The following TTN variants were observed in gnomAD, a reference collection of about 807,000 sequenced individuals.
TTN encodes the protein connectin.
TTN carries 1,525 observed loss-of-function variants against 3,223.0 expected under a neutral mutation model. The ratio of observed to expected loss-of-function variants is 0.47; its 90% CI spans 0.45 to 0.49. The LOEUF (loss-of-function observed/expected upper bound fraction) is 0.49. TTN is among the 20% of genes least tolerant of loss of function. The pLI, the probability that TTN is intolerant of heterozygous loss-of-function variation, is 0.00. For synonymous variants in TTN, 14,094 were observed against 15,161.0 expected, an observed-to-expected ratio of 0.93 and a Z score of 5.17; for missense variants, 40,786 against 43,424.0, an observed-to-expected ratio of 0.94 and a Z score of 5.40.
chr2:178,745,892 C>T, intron 47 of TTN: 1 of 1,611,990 alleles, frequency 6.2e-7, no homozygotes. Flanking sequence ...TTCAAAAAAA[C>T]TGTCTGTGTA....
chr2:178,599,993 T>A, intron 288 of TTN, 143 bp from the exon 289 acceptor site: 1 of 757,514 alleles, frequency 1.3e-6, no homozygotes, highest in Non-Finnish European at 2.0e-6. Flanking sequence ...GTTCTGTCTT[T>A]AACACTATTA....
chr2:178,591,317 A>G lies in TTN; in HGVS notation c.60408T>C (p.Leu20136=). The change falls in exon 304 of 363, where the codon CTT becomes CTC. Residue 20136 remains leucine (L), a synonymous_variant. Coordinates refer to ENST00000589042, the MANE Select transcript of TTN (RefSeq NM_001267550.2). ...TVETDNFSSV[L]TIKNCLRRDT... ...CTCTCCTTAAGCAGTTCTTAATGGT[A>G]AGTACTGATGAGAAGTTGTCTGTTT... is the stretch of plus-strand genomic sequence containing the variant. 1.2e-6 allele frequency: 2 copies of G among 1,613,286 alleles called. No individual in the cohort carries two copies. The highest frequency in any genetic ancestry group is 1.7e-6 in the Non-Finnish European group (2 of 1,179,470).
At position 178,675,119 on chromosome 2, in the gene TTN, G is replaced by A. The variant is rs774344653; in HGVS notation, c.34538-6C>T. The A allele has an allele frequency of 6.5e-7, 1 of 1,548,934 alleles. No homozygotes were observed. Among genetic ancestry groups the A allele is most frequent in the Non-Finnish European group, 8.7e-7 (1 of 1,152,766 alleles). The stretch of plus-strand genomic sequence containing the variant: ...CTTCTTAGGCACCTCAGGAACTTGA[G>A]AGACATTGATTATTTTAGACACTTA... On this transcript the variant is annotated splice_region_variant and splice_polypyrimidine_tract_variant and intron_variant, in intron 149 of 362. Coordinates refer to ENST00000589042, the MANE Select transcript of TTN (RefSeq NM_001267550.2).
In TTN at chr2:178,588,972, ACAGTAG is replaced by A; in HGVS notation, c.62747_62752del (p.Ala20916_Thr20917del). On this transcript the variant is annotated inframe_deletion, in exon 304 of 363. Transcript: ENST00000589042. ...TGTTACTGTAGTACCAGGTGTCAAG[ACAGTAG>A]CAGAATAGGTAGACCAAACCATTCG... The A allele has an allele frequency of 1.2e-6, 2 of 1,612,444 alleles. No individual in the cohort carries two copies. The highest frequency in any genetic ancestry group is 1.7e-6 in the Non-Finnish European group (2 of 1,179,378).
In TTN at chr2:178,695,387, C is replaced by G. The variant is rs757985781; in HGVS notation, c.31231G>C (p.Ala10411Pro). 7.4e-6 allele frequency: 12 copies of G among 1,612,070 alleles called. No homozygotes were observed. The South Asian group carries it at 1.3e-4, about 18-fold the overall frequency. ...YEESHERKVP[A>P]KVPEKKAPPP... ...GGTGCTTTCTTTTCAGGTACTTTGGCTGGAACTTTTCTCTCATGTGATTCT... is the reference window on the plus strand; with the variant it reads ...GGTGCTTTCTTTTCAGGTACTTTGGGTGGAACTTTTCTCTCATGTGATTCT... Residue 10411 changes from alanine (A) to proline (P), a missense_variant, in exon 115 of 363, where the codon GCC (alanine) becomes CCC (proline). Physicochemically the swap from Ala to Pro is conservative, Grantham distance 27. Transcript: ENST00000589042.
chr2:178,653,113 G>A lies in TTN; in HGVS notation c.38803C>T (p.Pro12935Ser). The A allele has an allele frequency of 6.2e-7, 1 of 1,612,704 alleles. No homozygotes were observed. The highest frequency in any genetic ancestry group is 8.5e-7 in the Non-Finnish European group (1 of 1,179,380). ...EVPPVKVPEA[P>S]KEVVPEKKVP... ...TTCTTTTCAGGAACAACTTCTTTGG[G>A]AGCCTCTGGCACTTAAAAGATATTA... The change falls in exon 199 of 363, where the codon CCC (proline) becomes TCC (serine). Residue 12935 changes from proline to serine, a missense_variant. Coordinates refer to ENST00000589042, the MANE Select transcript of TTN (RefSeq NM_001267550.2).
chr2:178,719,051 A>T, intron 83 of TTN, 78 bp from the exon 84 acceptor site: 1 of 1,520,964 alleles, frequency 6.6e-7, no homozygotes, highest in Non-Finnish European at 8.8e-7. Flanking sequence ...CCTTAAAAAA[A>T]GGGAGCTAAG....
chr2:178,556,493 T>C, intron 330 of TTN: 1 of 269,842 alleles, frequency 3.7e-6, no homozygotes, highest in Non-Finnish European at 6.9e-6. Context: ...CTCTGTTTAG[T>C]CTGTGGCTTA....
rs771290213 is a variant in TTN, at chr2:178,717,688, C to T, written c.25186G>A (p.Asp8396Asn). The stretch of plus-strand genomic sequence containing the variant: ...GCATCATCTTTCAAAAGAACCCCAT[C>T]CTTGTACCAAGACACTTGAAGAGGT... ...SEPLQVSWYKDGVLLKDDANL... is the reference protein window; with the variant it reads ...SEPLQVSWYKNGVLLKDDANL... The change falls in exon 87 of 363, where the codon GAT becomes AAT. Residue 8396 changes from aspartate to asparagine, a missense_variant. Asp to Asn is a conservative substitution (Grantham distance 23, BLOSUM62 1). Transcript: ENST00000589042. 2 of 1,613,330 alleles carry T rather than the reference C, an allele frequency of 1.2e-6. No homozygotes were observed. Among genetic ancestry groups the T allele is most frequent in the Non-Finnish European group, 8.5e-7 (1 of 1,179,610 alleles).
chr2:178,577,009 T>G lies in TTN; in HGVS notation c.69326A>C (p.Glu23109Ala), dbSNP rs1212757037. The G allele has an allele frequency of 1.2e-6, 2 of 1,613,504 alleles. No individual in the cohort carries two copies. Among genetic ancestry groups the G allele is most frequent in the Non-Finnish European group, 1.7e-6 (2 of 1,179,572 alleles). ...HVATKLIQGN[E>A]YIFRVSAVNH... Reference sequence around the variant, plus strand: ...TACAGCTGAGACCCGGAAGATGTACTCATTTCCTTGGATAAGTTTGGTTGC... The same window carrying G: ...TACAGCTGAGACCCGGAAGATGTACGCATTTCCTTGGATAAGTTTGGTTGC... Residue 23109 changes from glutamate to alanine, a missense_variant, in exon 324 of 363, where the codon GAG becomes GCG. Physicochemically the swap from Glu to Ala is moderately radical, Grantham distance 107 (BLOSUM62 -1). Transcript: ENST00000589042.
Position 178,612,436 on chromosome 2 carries a change from CT to C in TTN, c.50088del (p.Gly16697AlafsTer19), listed in dbSNP as rs746457931. 1 of 1,612,544 alleles carries C rather than the reference CT, an allele frequency of 6.2e-7. No individual in the cohort carries two copies. Among genetic ancestry groups the C allele is most frequent in the South Asian group, 1.1e-5 (1 of 91,038 alleles). On this transcript the variant is annotated frameshift_variant, in exon 266 of 363. Transcript: ENST00000589042. LOFTEE classifies it high-confidence loss of function. ...YIVEKRDVRR[K>X]GWQTVDTTVK... ...ACAGTGGTATCCACTGTTTGCCAGC[CT>C]TTTCGCCTGACGTCTCTCTTTTCCA... is the stretch of plus-strand genomic sequence containing the variant.
In TTN at chr2:178,634,398, C is replaced by G. The variant is rs370793851; in HGVS notation, c.42383G>C (p.Gly14128Ala). 8.8e-5 allele frequency: 142 copies of G among 1,610,478 alleles called. No individual in the cohort carries two copies. Among genetic ancestry groups the G allele is most frequent in the Non-Finnish European group, 1.0e-4 (122 of 1,178,942 alleles). The part of the protein sequence containing the change: ...DEGVYTAEVE[G>A]KKTSARLFVT... ...AAACAACCGAGCTGAGGTCTTCTTG[C>G]CCTCCACCTCAGCAGTATAGACCCC... The change falls in exon 230 of 363, where the codon GGC becomes GCC. Residue 14128 changes from glycine (G) to alanine (A), a missense_variant. Transcript: ENST00000589042. This position sits in a 1 kb window ranked among gnomAD's most constrained non-coding sequence, Gnocchi z 4.6.
rs879077927 is a variant in TTN, at chr2:178,684,937, A to T, written c.32523T>A (p.Val10841=). The change falls in exon 130 of 363, where the codon GTT becomes GTA. Residue 10841 remains valine (V), a synonymous_variant. Transcript: ENST00000589042. ...IVPEKKVPAP[V]PKKEKVPPPK... is the part of the protein sequence containing the mutation. ...GTGGGGGCACCTTTTCCTTTTTAGG[A>T]ACTGGAGCAGGAACTTTCTTTTCTG... The T allele has an allele frequency of 1.2e-6, 2 of 1,609,342 alleles. No homozygotes were observed. The highest frequency in any genetic ancestry group is 2.7e-5 in the African/African-American group (2 of 74,856).
rs140649938 is a variant in TTN, at chr2:178,767,305, C to T, written c.9471+454G>A. 2.4e-3 allele frequency among the ~76,000 whole-genome samples: 369 copies of T among 152,318 alleles called. 2 individuals are homozygous for T. Among genetic ancestry groups the T allele is most frequent in the African/African-American group, 8.2e-3 (342 of 41,566 alleles). On this transcript the variant is annotated intron_variant, in intron 40 of 362. Coordinates refer to ENST00000589042, the MANE Select transcript of TTN (RefSeq NM_001267550.2). ...CAGCATCCTTGCCAGGAACCCAGCA[C>T]GGCTTGGACAGGGCTTTCTCTTAGA...
rs753041606 is a variant in TTN, at chr2:178,775,755, C to G, written c.6109G>C (p.Glu2037Gln). The change falls in exon 28 of 363, where the codon GAA becomes CAA. Residue 2037 changes from glutamate to glutamine, a missense_variant. Transcript: ENST00000589042. ...YEELLRKTKD[E>Q]LLHWTKELTE... ...AACTCTTTGGTCCAGTGGAGAAGTT[C>G]ATCTTTTGTCTTCCTGAGGAGTTCC... The G allele has an allele frequency of 6.2e-7, 1 of 1,613,826 alleles. No individual in the cohort carries two copies. The highest frequency in any genetic ancestry group is 2.2e-5 in the East Asian group (1 of 44,890).
intron 239 of TTN, 66 bp from the exon 240 acceptor site, chr2:178,629,509 C>A: frequency 6.2e-7 from 1 of 1,600,482 alleles, no homozygotes; most frequent in Non-Finnish European, 8.5e-7. Context: ...TAAATAGAGA[C>A]TTAGATATGA....
In TTN at chr2:178,622,149, A is replaced by G. The variant is rs562052558; in HGVS notation, c.44914-141T>C. ...GAAGAAGAACCAAGGTGGCAGACAC[A>G]AATATAAACAAACCCCAAAAGCAAG... On this transcript the variant is annotated intron_variant, in intron 243 of 362. Coordinates refer to ENST00000589042, the MANE Select transcript of TTN (RefSeq NM_001267550.2). The G allele has an allele frequency of 5.4e-6, 4 of 739,976 alleles. No homozygotes were observed. In the East Asian group the frequency reaches 8.2e-5, roughly 15 times the overall value. The allele number at this position is 739,976 out of a possible 1,614,324, so 45.8% of individuals were successfully genotyped here.
In TTN at chr2:178,559,409, T is replaced by C. The variant is rs377612718; in HGVS notation, c.86723A>G (p.Asn28908Ser). ...NCNRLSYKVT[N>S]LQEGAIYYFR... ...GTAATAGATAGCTCCTTCTTGTAAA[T>C]TGGTAACTTTGTAGGAGAGGCGGTT... Residue 28908 changes from asparagine to serine, a missense_variant, in exon 326 of 363, where the codon AAT becomes AGT. By Grantham distance (46) the Asn-to-Ser change is conservative. Coordinates refer to ENST00000589042, the MANE Select transcript of TTN (RefSeq NM_001267550.2). 111 of 1,613,786 alleles carry C rather than the reference T, an allele frequency of 6.9e-5. 1 individual carries two copies. The highest frequency in any genetic ancestry group is 4.5e-4 in the Admixed American group (27 of 60,006).
In TTN at chr2:178,714,036, G is replaced by T; in HGVS notation, c.26622C>A (p.Asn8874Lys). 6.2e-7 allele frequency: 1 copy of T among 1,613,532 alleles called. No homozygotes were observed. ...TGTTGAAGAAGCTTATTTTGTATTT[G>T]TTGTCACTTGTTAGCTCTTTTCCAT... ...FKDGKELTSD[N>K]KYKISFFNKV... Residue 8874 changes from asparagine to lysine, a missense_variant, in exon 92 of 363, where the codon AAC (asparagine) becomes AAA (lysine). Coordinates refer to ENST00000589042, the MANE Select transcript of TTN (RefSeq NM_001267550.2).
Sources: gnomAD v4.1 joint callset for allele counts (sites outside exome capture counted in the v4.1 genomes callset) on GRCh38, gnomAD v4.1.1 for gene constraint, Gnocchi (gnomAD v3.1) non-coding constraint, MANE v1.5 for transcripts, NCBI Gene and HGNC (gene_info 2026-07-23, HGNC 2026-07-21) for gene names.